Variants in MGMT observed in about 807,000 individuals in gnomAD.
MGMT encodes methylated-DNA--protein-cysteine methyltransferase.
In MGMT, 14 loss-of-function variants were observed where a neutral mutation model predicts 15.9. That is an observed-to-expected ratio of 0.88 (90% CI 0.58 to 1.37). The LOEUF is 1.37. Ranked by LOEUF, MGMT falls within the 40% of genes most tolerant of loss-of-function variation. The pLI is 0.00. For synonymous variants in MGMT, 130 were observed against 118.2 expected (o/e 1.10, Z -0.65); for missense variants, 282 against 268.1 (o/e 1.05, Z -0.36).
At chr10:129,704,535 G>T (rs188387891) in intron 2 of MGMT, among the ~76,000 whole-genome samples, 42 of 152,224 alleles carry the variant, frequency 2.8e-4, no homozygotes, top group African/African-American at 1.0e-3. Context: ...CTGTCTGGCC[G>T]CAGTGTCCAC....
chr10:129,516,569 C>T (rs772721705), intron 1 of MGMT, among the ~76,000 whole-genome samples: 3 of 152,164 alleles, frequency 2.0e-5, no homozygotes, highest in African/African-American at 4.8e-5. Flanking sequence ...CCGTGTAGCA[C>T]GTTGCCTTCC....
chr10:129,562,416 T>C (rs1846291769), intron 2 of MGMT, among the ~76,000 whole-genome samples: 1 of 152,212 alleles, frequency 6.6e-6, no homozygotes, highest in African/African-American at 2.4e-5. Flanking sequence ...TACAAAAACA[T>C]GGACGATTTT....
At chr10:129,766,076 G>A (rs1848930599) in intron 4 of MGMT, among the ~76,000 whole-genome samples, 2 of 152,334 alleles carry the variant, frequency 1.3e-5, no homozygotes, top group Middle Eastern at 3.4e-3. Context: ...GAAGCAGTTG[G>A]TAGGCAGGAT....
chr10:129,472,074 C>G (rs190957388), intron 1 of MGMT, among the ~76,000 whole-genome samples: 40 of 152,336 alleles, frequency 2.6e-4, no homozygotes, highest in African/African-American at 8.4e-4. Context: ...CCCCTTCTTT[C>G]CTTTTGAGAG....
At chr10:129,765,997 C>T (rs867667096) in intron 4 of MGMT, among the ~76,000 whole-genome samples, 1 of 152,198 alleles carries the variant, frequency 6.6e-6, no homozygotes, top group African/African-American at 2.4e-5. Flanking sequence ...CTGAGGACTG[C>T]ACTGAAGGAG....
chr10:129,577,970 A>C (rs146332692), intron 2 of MGMT, among the ~76,000 whole-genome samples: 2,268 of 152,372 alleles, frequency 0.015, 46 homozygotes, highest in South Asian at 0.043. Flanking sequence ...ATGCAACTCA[A>C]AACCACAATG....
chr10:129,714,520 C>G (rs1330093325), intron 3 of MGMT, among the ~76,000 whole-genome samples: 1 of 152,136 alleles, frequency 6.6e-6, no homozygotes, highest in African/African-American at 2.4e-5. Context: ...ATCCTCTAGA[C>G]ATTTCATTTA....
intron 2 of MGMT, among the ~76,000 whole-genome samples, chr10:129,550,179 T>G (rs2119786489): frequency 6.6e-6 from 1 of 152,368 alleles, no homozygotes; most frequent in Middle Eastern, 3.4e-3. Context: ...GTGCCATCTG[T>G]GAGTGCACAG....
rs566118212 is a variant in MGMT at position 129,674,363 on chromosome 10, C to T, written c.126-33532C>T. Among the ~76,000 whole-genome samples the T allele has an allele frequency of 6.6e-5, 10 of 152,268 alleles. No individual in the cohort carries two copies. In the South Asian group the frequency reaches 2.1e-3, roughly 32 times the overall value. ...GATGTTTCAGTGCCACACACGTTAG[C>T]GGTGGGAACTGGAAGCCAGTCACGA... On this transcript the variant is annotated intron_variant, in intron 2 of 4. Coordinates refer to ENST00000651593, the MANE Select transcript of MGMT (RefSeq NM_002412.5).
At chr10:129,726,378 C>T (rs747017116) in intron 3 of MGMT, among the ~76,000 whole-genome samples, 5 of 152,224 alleles carry the variant, frequency 3.3e-5, no homozygotes, top group South Asian at 4.2e-4. Context: ...CTTGGGAACA[C>T]GAGCTGGTTT....
At chr10:129,665,303 ACTCTCTCT>A (rs200511842) in intron 2 of MGMT, among the ~76,000 whole-genome samples, 1 of 131,708 alleles carries the variant, frequency 7.6e-6, no homozygotes, top group South Asian at 2.7e-4. Flanking sequence ...CTCTCTCCCA[ACTCTCTCT>A]CTCTCTCTAA....
chr10:129,645,739 T>C (rs962090338), intron 2 of MGMT, among the ~76,000 whole-genome samples: 2 of 152,328 alleles, frequency 1.3e-5, no homozygotes, highest in East Asian at 3.9e-4. Context: ...TTCTTTCTCC[T>C]TAGAGCATCT....
At chr10:129,622,943 C>T (rs1007037930) in intron 2 of MGMT, among the ~76,000 whole-genome samples, 3 of 152,056 alleles carry the variant, frequency 2.0e-5, no homozygotes, top group Non-Finnish European at 2.9e-5. Context: ...CTACGTGGGC[C>T]GAGCATACAG....
At chr10:129,502,141 G>C (rs899397807) in intron 1 of MGMT, among the ~76,000 whole-genome samples, 2 of 152,220 alleles carry the variant, frequency 1.3e-5, no homozygotes, top group African/African-American at 2.4e-5. Flanking sequence ...CTAGTACAGC[G>C]TGGAGTGTGT....
intron 2 of MGMT, among the ~76,000 whole-genome samples, chr10:129,692,888 C>T (rs966833735): frequency 1.3e-5 from 2 of 152,232 alleles, no homozygotes; most frequent in African/African-American, 4.8e-5. Flanking sequence ...CCAGACCTCG[C>T]GGTTGCTCTC....
In MGMT at chr10:129,566,789, G is replaced by A. The variant is rs915968741; in HGVS notation, c.125+30412G>A. On this transcript the variant is annotated intron_variant, in intron 2 of 4. Transcript: ENST00000651593. The surrounding 1 kb of genome is among the most constrained non-coding windows in gnomAD (Gnocchi z 4.1). ...TGCCCCAGGGTCCCTCTGATTCCAC[G>A]GAGGAGCTGCGGAAAGTCCACATTT... Among the ~76,000 whole-genome samples, 9 of 152,148 alleles carry A rather than the reference G, an allele frequency of 5.9e-5. No individual in the cohort carries two copies. The highest frequency in any genetic ancestry group is 7.3e-5 in the Non-Finnish European group (5 of 68,030).
rs545273522 is a variant in MGMT at position 129,524,742 on chromosome 10, C to G, written c.-12-11499C>G. On this transcript the variant is annotated intron_variant, in intron 1 of 4. Transcript: ENST00000651593. ...GAGTAGCTGGGACTACAGACGCCTG[C>G]CACCATGCCCGGCTTATTTTTTTAT... Among the ~76,000 whole-genome samples, 7 of 152,020 alleles carry G rather than the reference C, an allele frequency of 4.6e-5. No individual in the cohort carries two copies. In the South Asian group the frequency reaches 1.5e-3, roughly 32 times the overall value.
In MGMT at chr10:129,625,336, AG is replaced by A. The variant is rs577462889; in HGVS notation, c.126-82558del. 2.2e-3 allele frequency among the ~76,000 whole-genome samples: 332 copies of A among 152,358 alleles called. 1 individual carries two copies. The highest frequency in any genetic ancestry group is 7.6e-3 in the African/African-American group (318 of 41,588). On this transcript the variant is annotated intron_variant, in intron 2 of 4. Coordinates refer to ENST00000651593, the MANE Select transcript of MGMT (RefSeq NM_002412.5). ...ATTAGCCCTTTCAAGGAATAGCAGA[AG>A]AGAGAATAATTCCTAGCTTGTTTCA...
At chr10:129,646,132 A>T (rs1847385853) in intron 2 of MGMT, among the ~76,000 whole-genome samples, 2 of 152,196 alleles carry the variant, frequency 1.3e-5, no homozygotes, top group African/African-American at 4.8e-5. Context: ...AATGTTGGCA[A>T]AGTCACACTA....
Sources: allele counts gnomAD v4.1 joint callset (sites outside exome capture counted in the v4.1 genomes callset), GRCh38; gene constraint gnomAD v4.1.1; non-coding constraint Gnocchi (gnomAD v3.1); transcripts MANE v1.5; gene names NCBI Gene and HGNC (gene_info 2026-07-23, HGNC 2026-07-21).